The following KMT5B variants were observed in gnomAD, a reference collection of about 807,000 sequenced individuals.
The protein encoded by KMT5B is lysine methyltransferase 5B.
KMT5B carries 10 observed loss-of-function variants against 83.2 expected under a neutral mutation model. The ratio of observed to expected loss-of-function variants is 0.12; its 90% CI spans 0.07 to 0.20. KMT5B has a LOEUF of 0.20. Among genes scored for constraint, KMT5B ranks in the 10% least tolerant of loss-of-function variants. The pLI, the probability that KMT5B is intolerant of heterozygous loss-of-function variation, is 1.00. For missense variants in KMT5B, 753 were observed against 1,067.2 expected (o/e 0.71, Z 4.10); for synonymous variants, 349 against 388.8 (o/e 0.90, Z 1.20).
rs188700468 is a variant in KMT5B at position 68,165,354 on chromosome 11, A to T, written c.1174+1628T>A. Among the ~76,000 whole-genome samples, 13 of 152,306 alleles carry T rather than the reference A, an allele frequency of 8.5e-5. No homozygotes were observed. In the East Asian group the frequency reaches 2.1e-3, roughly 25 times the overall value. Reference sequence around the variant, plus strand: ...CCCCGTCTCTACTAAAAATACAAAAATTAGCTGGATGCGGTGGCACGTGCC... The same window carrying T: ...CCCCGTCTCTACTAAAAATACAAAATTTAGCTGGATGCGGTGGCACGTGCC... On this transcript the variant is annotated intron_variant, in intron 10 of 10. Transcript: ENST00000304363.
intron 1 of KMT5B, among the ~76,000 whole-genome samples, chr11:68,197,465 T>C (rs1405609580): frequency 6.6e-6 from 1 of 152,144 alleles, no homozygotes; most frequent in Non-Finnish European, 1.5e-5. Context: ...TTAAGAAAAA[T>C]TATGGAATAA....
At chr11:68,190,545 G>A (rs1857920815) in intron 1 of KMT5B, among the ~76,000 whole-genome samples, 2 of 152,132 alleles carry the variant, frequency 1.3e-5, no homozygotes, top group Admixed American at 6.5e-5. Flanking sequence ...CGCTCCAGTG[G>A]GACAAGATGC....
At chr11:68,164,867 C>A (rs1049579875) in intron 10 of KMT5B, among the ~76,000 whole-genome samples, 7 of 152,220 alleles carry the variant, frequency 4.6e-5, no homozygotes, top group Non-Finnish European at 1.0e-4. Flanking sequence ...CTAAGTAAGG[C>A]ATAAGCTCCC....
intron 1 of KMT5B, among the ~76,000 whole-genome samples, chr11:68,192,560 T>C (rs1221099528): frequency 6.6e-6 from 1 of 152,222 alleles, no homozygotes; most frequent in East Asian, 1.9e-4. Flanking sequence ...CTGCTCAAAC[T>C]ACATGTTTTG....
intron 3 of KMT5B, among the ~76,000 whole-genome samples, chr11:68,183,293 G>A (rs1176100724): frequency 1.3e-5 from 2 of 151,530 alleles, no homozygotes; most frequent in Non-Finnish European, 1.5e-5. Context: ...AGGAGAATGA[G>A]CACTGGTCTC....
chr11:68,205,566 C>G (rs905193492), intron 1 of KMT5B, among the ~76,000 whole-genome samples: 1 of 151,470 alleles, frequency 6.6e-6, no homozygotes, highest in African/African-American at 2.4e-5. Context: ...TTGAGCAAAA[C>G]ATTTTAAGGA....
chr11:68,209,899 C>G (rs573787558), intron 1 of KMT5B, among the ~76,000 whole-genome samples: 2 of 150,014 alleles, frequency 1.3e-5, no homozygotes, highest in Non-Finnish European at 3.0e-5. Flanking sequence ...CGGAGTCTTG[C>G]TCTGTCGCCC....
At chr11:68,179,545 A>C in intron 4 of KMT5B, 1 of 1,304,174 alleles carries the variant, frequency 7.7e-7, no homozygotes, top group Non-Finnish European at 1.0e-6. Flanking sequence ...CCACTGTGGC[A>C]GTGAAGAAAA....
At chr11:68,209,619 G>C (rs945791530) in intron 1 of KMT5B, among the ~76,000 whole-genome samples, 7 of 152,146 alleles carry the variant, frequency 4.6e-5, no homozygotes, top group Non-Finnish European at 1.0e-4. Context: ...TAACATGCAG[G>C]ACTCGGGATT....
intron 4 of KMT5B, among the ~76,000 whole-genome samples, chr11:68,178,247 T>A (rs1856568024): frequency 6.6e-6 from 1 of 152,256 alleles, no homozygotes; most frequent in South Asian, 2.1e-4. Context: ...AACTTGGCTA[T>A]TTTTAATAGG....
chr11:68,174,434 T>A (rs1252330202), intron 5 of KMT5B, among the ~76,000 whole-genome samples: 1 of 152,146 alleles, frequency 6.6e-6, no homozygotes, highest in South Asian at 2.1e-4. Flanking sequence ...CATTTCAAAT[T>A]TTGGGGTTAA....
Position 68,158,564 on chromosome 11 carries a change from A to ACT in KMT5B, c.1781_1782insAG (p.Ala595ValfsTer27), listed in dbSNP as rs1191186699. On this transcript the variant is annotated frameshift_variant, in exon 11 of 11. Coordinates refer to ENST00000304363, the MANE Select transcript of KMT5B (RefSeq NM_017635.5). LOFTEE classifies it high-confidence loss of function. ...GACACTTTGCCTCCCCTTTTTGTGC[A>ACT]GTCTCATGAGCCAGTTCTTCCTCCT... 1 of 1,614,050 alleles carries ACT rather than the reference A, an allele frequency of 6.2e-7. No homozygotes were observed.
rs1857741223 is a variant in KMT5B at position 68,188,989 on chromosome 11, G to A, written c.160+928C>T. On this transcript the variant is annotated intron_variant, in intron 2 of 10. Coordinates refer to ENST00000304363, the MANE Select transcript of KMT5B (RefSeq NM_017635.5). ...CTGTCTGGTTTTCTATAGCAACAGT[G>A]ACCTGATCTGAAATGGAAAGGTTAA... 2.0e-5 allele frequency among the ~76,000 whole-genome samples: 3 copies of A among 152,280 alleles called. No individual in the cohort carries two copies. The South Asian group carries it at 6.2e-4, about 32-fold the overall frequency.
At chr11:68,191,594 A>G (rs1033286998) in intron 1 of KMT5B, among the ~76,000 whole-genome samples, 3 of 152,184 alleles carry the variant, frequency 2.0e-5, no homozygotes, top group African/African-American at 7.2e-5. Flanking sequence ...TTGGCCTCCG[A>G]AAGTGCTGGG....
intron 3 of KMT5B, among the ~76,000 whole-genome samples, chr11:68,182,438 G>A (rs1013025734): frequency 6.6e-6 from 1 of 152,162 alleles, no homozygotes; most frequent in African/African-American, 2.4e-5. Flanking sequence ...GGTATAGGAG[G>A]ACTTTTACAG....
intron 4 of KMT5B, among the ~76,000 whole-genome samples, chr11:68,175,619 A>G (rs919981185): frequency 6.6e-6 from 1 of 152,206 alleles, no homozygotes; most frequent in Non-Finnish European, 1.5e-5. Flanking sequence ...GAATGACAAG[A>G]ATCTTTTTAA....
In KMT5B at chr11:68,155,785, G is replaced by A. The variant is rs912536521; in HGVS notation, c.*1903C>T. 6.6e-6 allele frequency: 1 copy of A among 152,310 alleles called. No homozygotes were observed. Among genetic ancestry groups the A allele is most frequent in the Non-Finnish European group, 1.5e-5 (1 of 68,168 alleles). 9.4% of individuals were successfully genotyped at this position (152,310 alleles called of 1,614,324 possible). On this transcript the variant is annotated 3_prime_UTR_variant, in exon 11 of 11. Transcript: ENST00000304363. ...GCTGTGTGGGCTGCCCTACTTCACTGTTGAAGACCTCCAGACGCAGTGAAC... is the reference window on the plus strand; with the variant it reads ...GCTGTGTGGGCTGCCCTACTTCACTATTGAAGACCTCCAGACGCAGTGAAC...
chr11:68,201,020 G>A (rs1473282661), intron 1 of KMT5B, among the ~76,000 whole-genome samples: 1 of 152,122 alleles, frequency 6.6e-6, no homozygotes, highest in Admixed American at 6.5e-5. Flanking sequence ...GAGGTGGGGG[G>A]TGAGGGGACA....
intron 10 of KMT5B, among the ~76,000 whole-genome samples, chr11:68,162,496 G>A (rs1173017906): frequency 2.6e-5 from 4 of 152,070 alleles, no homozygotes; most frequent in African/African-American, 4.8e-5. Context: ...GGAGCCTCTC[G>A]GGACTTTCTC....
Sources: gnomAD v4.1 joint callset for allele counts (sites outside exome capture counted in the v4.1 genomes callset) on GRCh38, gnomAD v4.1.1 for gene constraint, MANE v1.5 for transcripts, NCBI Gene and HGNC (gene_info 2026-07-23, HGNC 2026-07-21) for gene names.